Variants in VRK2 observed in about 807,000 individuals in gnomAD.
VRK2 encodes the protein serine/threonine-protein kinase VRK2.
Under a neutral mutation model 57.6 loss-of-function variants are expected in VRK2, and 60 were observed. The observed-to-expected ratio is 1.04, with a 90% CI of 0.85 to 1.29. The LOEUF is 1.29. Ranked by LOEUF, VRK2 falls within the 50% of genes most tolerant of loss-of-function variation. VRK2 has a pLI of 0.00. For missense variants in VRK2, 705 were observed against 588.1 expected, an observed-to-expected ratio of 1.20 and a Z score of -2.06; for synonymous variants, 231 against 199.2, an observed-to-expected ratio of 1.16 and a Z score of -1.35.
intron 1 of VRK2, among the ~76,000 whole-genome samples, chr2:58,005,530 G>GT (rs1424680548): frequency 5.3e-5 from 8 of 151,838 alleles, no homozygotes; most frequent in Non-Finnish European, 1.0e-4. Context: ...AATGGGTAAA[G>GT]TAAAAAATAA....
At chr2:58,144,321 A>G (rs1270048640) in intron 11 of VRK2, among the ~76,000 whole-genome samples, 1 of 151,994 alleles carries the variant, frequency 6.6e-6, no homozygotes, top group African/African-American at 2.4e-5. Flanking sequence ...GATCTGATGT[A>G]CAGCATGGTG....
At chr2:58,028,895 AATAAATAAATATATATATAT>A (rs1312892888) in intron 2 of VRK2, among the ~76,000 whole-genome samples, 2 of 57,312 alleles carry the variant, frequency 3.5e-5, no homozygotes, top group African/African-American at 1.4e-4. Flanking sequence ...TAAATAAATA[AATAAATAAATATATATATAT>A]ATATATATAT....
intron 7 of VRK2, among the ~76,000 whole-genome samples, chr2:58,117,634 C>T (rs1026125930): frequency 3.3e-5 from 5 of 152,040 alleles, no homozygotes; most frequent in Admixed American, 3.3e-4. Flanking sequence ...ACGTCAGGCA[C>T]CTCAGACCAT....
intron 1 of VRK2, among the ~76,000 whole-genome samples, chr2:57,957,318 AG>A: frequency 6.6e-6 from 1 of 152,236 alleles, no homozygotes; most frequent in Admixed American, 6.5e-5. Context: ...AGTACCACGT[AG>A]CTCATATTTC....
intron 1 of VRK2, among the ~76,000 whole-genome samples, chr2:57,963,954 T>C (rs1671835265): frequency 6.6e-6 from 1 of 152,226 alleles, no homozygotes; most frequent in Non-Finnish European, 1.5e-5. Context: ...ACTGTCATGT[T>C]ACCATCTAAA....
chr2:58,044,756 T>C (rs1674609924), upstream of VRK2, among the ~76,000 whole-genome samples: 1 of 152,202 alleles, frequency 6.6e-6, no homozygotes, highest in African/African-American at 2.4e-5. Flanking sequence ...CGAAAAGTTC[T>C]TGAGAACAGC....
chr2:58,064,312 G>C (rs1322878703), intron 2 of VRK2, among the ~76,000 whole-genome samples: 1 of 152,046 alleles, frequency 6.6e-6, no homozygotes, highest in African/African-American at 2.4e-5. Context: ...AGAGTCAATT[G>C]ATGTGGCAAA....
intron 9 of VRK2, among the ~76,000 whole-genome samples, chr2:58,132,269 C>A (rs1369307850): frequency 6.6e-6 from 1 of 152,032 alleles, no homozygotes; most frequent in South Asian, 2.1e-4. Flanking sequence ...GTAGTCTGAG[C>A]TTGGTACGAT....
At chr2:57,964,330 T>G (rs965306317) in intron 1 of VRK2, among the ~76,000 whole-genome samples, 4 of 152,162 alleles carry the variant, frequency 2.6e-5, no homozygotes, top group African/African-American at 9.7e-5. Flanking sequence ...TTACTATTCG[T>G]TCAGCGAACA....
In VRK2 at chr2:57,934,343, T is replaced by G. The variant is rs141323187; in HGVS notation, c.-439+26504T>G. Among the ~76,000 whole-genome samples the G allele has an allele frequency of 3.7e-3, 568 of 152,322 alleles. 1 individual carries two copies. The highest frequency in any genetic ancestry group is 5.7e-3 in the Non-Finnish European group (385 of 68,022). Reference sequence around the variant, plus strand: ...ATGGTGATGAACTCCCTCCAGGTGATGTCTGTTATTTCTGAAGGACATCTT... The same window carrying G: ...ATGGTGATGAACTCCCTCCAGGTGAGGTCTGTTATTTCTGAAGGACATCTT... On this transcript the variant is annotated intron_variant, in intron 1 of 15. Transcript: ENST00000417641.
At chr2:58,117,247 G>T (rs944557696) in intron 7 of VRK2, among the ~76,000 whole-genome samples, 9 of 152,140 alleles carry the variant, frequency 5.9e-5, no homozygotes, top group Admixed American at 2.0e-4. Context: ...AAACGCTTCT[G>T]ATTTGGGATA....
upstream of VRK2, among the ~76,000 whole-genome samples, chr2:58,044,482 G>C (rs76936805): frequency 0.01 from 1,557 of 152,288 alleles, 26 homozygotes; most frequent in Middle Eastern, 0.048. Context: ...AATGTTGCCT[G>C]ACCTCATGAA....
intron 1 of VRK2, among the ~76,000 whole-genome samples, chr2:58,010,594 C>G (rs550344086): frequency 6.6e-6 from 1 of 152,116 alleles, no homozygotes; most frequent in African/African-American, 2.4e-5. Context: ...GAATATAGGT[C>G]TCCATTGGAA....
At chr2:58,124,321 C>G (rs1402018157) in intron 8 of VRK2, among the ~76,000 whole-genome samples, 1 of 152,168 alleles carries the variant, frequency 6.6e-6, no homozygotes, top group Non-Finnish European at 1.5e-5. Context: ...TGTTCACAAT[C>G]AATATGGTCA....
chr2:58,090,650 G>T (rs1672250386), intron 7 of VRK2, among the ~76,000 whole-genome samples: 1 of 152,068 alleles, frequency 6.6e-6, no homozygotes, highest in African/African-American at 2.4e-5. Flanking sequence ...AGACAGTTGG[G>T]CAGTTACTTA....
intron 1 of VRK2, among the ~76,000 whole-genome samples, chr2:57,971,308 G>A (rs1421738301): frequency 6.6e-6 from 1 of 151,930 alleles, no homozygotes; most frequent in African/African-American, 2.4e-5. Context: ...ATACCATTGA[G>A]GATTGTCATG....
intron 7 of VRK2, among the ~76,000 whole-genome samples, chr2:58,099,758 G>T (rs1673692004): frequency 6.6e-6 from 1 of 152,014 alleles, no homozygotes; most frequent in Admixed American, 6.6e-5. Flanking sequence ...GATTGTGGTG[G>T]ACTAAGAGTC....
intron 1 of VRK2, among the ~76,000 whole-genome samples, chr2:57,940,002 C>G (rs1671041313): frequency 6.6e-6 from 1 of 151,956 alleles, no homozygotes; most frequent in Non-Finnish European, 1.5e-5. Flanking sequence ...ACTAATTGTT[C>G]TCGAAATAGA....
chr2:58,058,284 CT>C (rs1676826638), intron 2 of VRK2: 1 of 453,978 alleles, frequency 2.2e-6, no homozygotes, highest in Non-Finnish European at 4.6e-6. Context: ...ATGAATTTGC[CT>C]TTTAATAGGG....
Sources: gnomAD v4.1 joint callset for allele counts (sites outside exome capture counted in the v4.1 genomes callset) on GRCh38, gnomAD v4.1.1 for gene constraint, MANE v1.5 for transcripts, NCBI Gene and HGNC (gene_info 2026-07-23, HGNC 2026-07-21) for gene names.